Variants in FBN1 observed in about 807,000 individuals in gnomAD.
FBN1 encodes fibrillin 1, also known as fibrillin-1.
FBN1 carries 29 observed loss-of-function variants against 365.1 expected under a neutral mutation model. The observed-to-expected ratio is 0.08, with a 90% CI of 0.06 to 0.11. The LOEUF is 0.11. Among genes scored for constraint, FBN1 ranks in the 10% least tolerant of loss-of-function variants. FBN1 has a pLI of 1.00. For synonymous variants in FBN1, 1,210 were observed against 1,270.5 expected, an observed-to-expected ratio of 0.95 and a Z score of 1.01; for missense variants, 2,476 against 3,703.2, an observed-to-expected ratio of 0.67 and a Z score of 8.60.
intron 6 of FBN1, among the ~76,000 whole-genome samples, chr15:48,566,103 C>T (rs1227845539): frequency 1.3e-5 from 2 of 152,176 alleles, no homozygotes; most frequent in Non-Finnish European, 2.9e-5. Flanking sequence ...CTCCACCCTT[C>T]ATTGCAGAGT....
chr15:48,633,689 C>G (rs1237255012), intron 2 of FBN1, among the ~76,000 whole-genome samples: 3 of 152,168 alleles, frequency 2.0e-5, no homozygotes, highest in African/African-American at 7.2e-5. Context: ...AGTAATCACA[C>G]TGCCTAAGAT....
intron 22 of FBN1, among the ~76,000 whole-genome samples, chr15:48,494,706 G>C (rs2043589546): frequency 1.3e-5 from 2 of 152,196 alleles, no homozygotes; most frequent in African/African-American, 4.8e-5. Context: ...AAAACCATGA[G>C]CAAGGTTCTC....
In FBN1 at chr15:48,497,372, T is replaced by C. The variant is rs61730055; in HGVS notation, c.2187A>G (p.Leu729=). ...TTCCATTTGGGCAAATATCAGGATC[T>C]AGTGCACATTCATTTATATCTGCAC... The part of the protein sequence containing the change: ...SAGSDINECA[L]DPDICPNGIC... The change falls in exon 19 of 66, where the codon CTA becomes CTG. Residue 729 remains leucine (L), a synonymous_variant. Transcript: ENST00000316623. The C allele has an allele frequency of 1.2e-6, 2 of 1,613,920 alleles. No individual in the cohort carries two copies. The highest frequency in any genetic ancestry group is 2.2e-5 in the South Asian group (2 of 91,078).
In FBN1 at chr15:48,508,589, A is replaced by G. The variant is rs1247219658; in HGVS notation, c.1830T>C (p.Tyr610=). 5 of 1,613,864 alleles carry G rather than the reference A, an allele frequency of 3.1e-6. No individual in the cohort carries two copies. The highest frequency in any genetic ancestry group is 1.7e-4 in the Middle Eastern group (1 of 6,060). ...PGFQLASDGR[Y]CKDINECETP... Reference sequence around the variant, plus strand: ...GGGTTTTATAGCACGAACCTTTGCAATAACGTCCATCTGATGCCAGCTGGA... The same window carrying G: ...GGGTTTTATAGCACGAACCTTTGCAGTAACGTCCATCTGATGCCAGCTGGA... Residue 610 remains tyrosine (Y), a synonymous_variant, in exon 15 of 66, where the codon TAT becomes TAC. Coordinates refer to ENST00000316623, the MANE Select transcript of FBN1 (RefSeq NM_000138.5).
Position 48,596,386 on chromosome 15 carries a change from A to G in FBN1, c.443-8T>C, listed in dbSNP as rs1319616777. On this transcript the variant is annotated splice_polypyrimidine_tract_variant and splice_region_variant and intron_variant, in intron 5 of 65. Coordinates refer to ENST00000316623, the MANE Select transcript of FBN1 (RefSeq NM_000138.5). ...AGCCACTTTCACAAACAGCTGTAAA[A>G]TAAGGAGAGAGCTGAGACGCTTTAC... 1 of 1,613,040 alleles carries G rather than the reference A, an allele frequency of 6.2e-7. No homozygotes were observed.
At chr15:48,464,491 G>T (rs768102160) in intron 40 of FBN1, among the ~76,000 whole-genome samples, 2 of 152,014 alleles carry the variant, frequency 1.3e-5, no homozygotes, top group Non-Finnish European at 2.9e-5. Context: ...ACTCCAGCCT[G>T]GGCAACAGAG....
intron 4 of FBN1, among the ~76,000 whole-genome samples, chr15:48,602,800 TA>T (rs747254700): frequency 1.3e-5 from 2 of 152,180 alleles, no homozygotes; most frequent in Non-Finnish European, 2.9e-5. Context: ...AAACTTTGAA[TA>T]ATATTCTAAG....
intron 4 of FBN1, among the ~76,000 whole-genome samples, chr15:48,601,155 A>G (rs995252421): frequency 2.0e-5 from 3 of 152,198 alleles, no homozygotes; most frequent in Admixed American, 2.0e-4. Flanking sequence ...TAGAAAGACC[A>G]TGGGCTGACA....
intron 45 of FBN1, among the ~76,000 whole-genome samples, chr15:48,450,864 G>GA (rs141747347): frequency 0.049 from 7,310 of 148,400 alleles, 485 homozygotes; most frequent in East Asian, 0.33. Context: ...CAGCATGCCT[G>GA]AAAAAAAAAA....
At chr15:48,516,467 TG>T (rs1566917100) in intron 10 of FBN1, 105 bp from the exon 11 acceptor site, 21 of 1,224,674 alleles carry the variant, frequency 1.7e-5, no homozygotes, top group African/African-American at 3.0e-5. Context: ...TGAATAAAAT[TG>T]ATCCTCAAAA....
chr15:48,451,526 T>C (rs2043201424), intron 45 of FBN1, among the ~76,000 whole-genome samples: 1 of 152,090 alleles, frequency 6.6e-6, no homozygotes, highest in South Asian at 2.1e-4. Context: ...CATAAAACAA[T>C]GCAAAATACC....
chr15:48,619,136 T>C (rs907696164), intron 2 of FBN1, among the ~76,000 whole-genome samples: 6 of 152,036 alleles, frequency 3.9e-5, no homozygotes, highest in Admixed American at 2.6e-4. Context: ...CAGTCCCTGA[T>C]ACCGAAAAGG....
Position 48,437,088 on chromosome 15 carries a change from A to AC in FBN1, c.6380-12_6380-11insG, listed in dbSNP as rs2043078812. 3.2e-6 allele frequency: 5 copies of AC among 1,571,554 alleles called. No individual in the cohort carries two copies. The East Asian group carries it at 1.1e-4, about 35-fold the overall frequency. ...TGCATTCGTCCATATCTTAAGCAAG[A>AC]GAAAAAAAATAGTGAATAACAAGGT... On this transcript the variant is annotated splice_polypyrimidine_tract_variant and intron_variant, in intron 52 of 65. Coordinates refer to ENST00000316623, the MANE Select transcript of FBN1 (RefSeq NM_000138.5).
intron 24 of FBN1, 76 bp from the exon 25 acceptor site, chr15:48,490,154 G>A (rs1415240393): frequency 1.7e-6 from 2 of 1,173,232 alleles, no homozygotes; most frequent in African/African-American, 3.0e-5. Context: ...ACTCTGTTAG[G>A]TAAAATACTG....
Position 48,487,232 on chromosome 15 carries a change from AACAT to A in FBN1, c.3464-36_3464-33del, listed in dbSNP as rs761406400. On this transcript the variant is annotated intron_variant, in intron 28 of 65. Transcript: ENST00000316623. ...GGAAAATAAGAAGAACAAACACCCA[AACAT>A]AAGCTTCCAACTTTGGCAATGATGT... 3.1e-6 allele frequency: 5 copies of A among 1,614,148 alleles called. 1 individual carries two copies. The South Asian group carries it at 5.5e-5, about 18-fold the overall frequency.
At chr15:48,601,970 G>GAC (rs1173446174) in intron 4 of FBN1, among the ~76,000 whole-genome samples, 1 of 152,094 alleles carries the variant, frequency 6.6e-6, no homozygotes, top group African/African-American at 2.4e-5. Context: ...TATGTCCTAT[G>GAC]ACTCCATCCC....
intron 6 of FBN1, among the ~76,000 whole-genome samples, chr15:48,553,577 T>C (rs1324680083): frequency 2.6e-5 from 4 of 152,216 alleles, no homozygotes; most frequent in Non-Finnish European, 5.9e-5. Context: ...TAGTCTATTG[T>C]TTTGGCTCAG....
At chr15:48,465,310 A>G (rs1253455970) in intron 40 of FBN1, among the ~76,000 whole-genome samples, 2 of 152,234 alleles carry the variant, frequency 1.3e-5, no homozygotes, top group Non-Finnish European at 2.9e-5. Context: ...TTTTGTAAGC[A>G]TAAATGAGGC....
intron 24 of FBN1, among the ~76,000 whole-genome samples, chr15:48,491,034 A>C (rs888529002): frequency 3.9e-5 from 6 of 152,208 alleles, no homozygotes; most frequent in African/African-American, 1.4e-4. Flanking sequence ...ATTCAGCTTT[A>C]TATTCAGACT....
Sources: allele counts gnomAD v4.1 joint callset (sites outside exome capture counted in the v4.1 genomes callset), GRCh38; gene constraint gnomAD v4.1.1; transcripts MANE v1.5; gene names NCBI Gene and HGNC (gene_info 2026-07-23, HGNC 2026-07-21).